The following AUTS2 variants were observed in gnomAD, a reference collection of about 807,000 sequenced individuals.
AUTS2 encodes activator of transcription and developmental regulator AUTS2.
AUTS2 carries 17 observed loss-of-function variants against 112.4 expected under a neutral mutation model. That is an observed-to-expected ratio of 0.15 (90% CI 0.10 to 0.23). AUTS2 has a LOEUF of 0.23. Among genes scored for constraint, AUTS2 ranks in the 10% least tolerant of loss-of-function variants. The pLI is 1.00. For synonymous variants in AUTS2, 751 were observed against 702.7 expected (o/e 1.07, Z -1.09); for missense variants, 1,510 against 1,701.6 (o/e 0.89, Z 1.98).
chr7:69,981,737 G>C (rs1798302779), intron 2 of AUTS2, among the ~76,000 whole-genome samples: 2 of 152,134 alleles, frequency 1.3e-5, no homozygotes, highest in African/African-American at 4.8e-5. Context: ...CTGAAATTTA[G>C]ATATTAACAA....
chr7:69,713,102 GT>G (rs1162094626), intron 1 of AUTS2, among the ~76,000 whole-genome samples: 6 of 152,036 alleles, frequency 3.9e-5, no homozygotes, highest in Non-Finnish European at 5.9e-5. Flanking sequence ...GCTTTTGTTT[GT>G]TTTTATTGAC....
intron 2 of AUTS2, among the ~76,000 whole-genome samples, chr7:70,009,857 C>T (rs1393170451): frequency 6.6e-6 from 1 of 152,154 alleles, no homozygotes; most frequent in East Asian, 1.9e-4. Context: ...AAATAATACT[C>T]TTTTGGTTTG....
At chr7:69,765,200 C>T (rs1003123854) in intron 1 of AUTS2, among the ~76,000 whole-genome samples, 2 of 152,276 alleles carry the variant, frequency 1.3e-5, no homozygotes, top group South Asian at 2.1e-4. Context: ...TATTCCACTT[C>T]TTCTTTGGCA....
chr7:70,159,533 T>C (rs1016493587), intron 4 of AUTS2, among the ~76,000 whole-genome samples: 2 of 152,186 alleles, frequency 1.3e-5, no homozygotes, highest in Admixed American at 6.5e-5. Context: ...GTATGCAATA[T>C]AGTAGAATTT....
chr7:69,895,747 ACT>A (rs1196382263), intron 1 of AUTS2, among the ~76,000 whole-genome samples: 2 of 152,076 alleles, frequency 1.3e-5, no homozygotes, highest in Non-Finnish European at 2.9e-5. Context: ...ATTATAGCAT[ACT>A]CTCATAAATA....
intron 4 of AUTS2, among the ~76,000 whole-genome samples, chr7:70,288,939 C>T (rs762411621): frequency 9.9e-5 from 15 of 152,200 alleles, no homozygotes; most frequent in East Asian, 5.8e-4. Context: ...TAATGCAACC[C>T]GTAGGGCATA....
At chr7:69,789,407 A>T (rs1359733343) in intron 1 of AUTS2, among the ~76,000 whole-genome samples, 2 of 152,204 alleles carry the variant, frequency 1.3e-5, no homozygotes, top group Non-Finnish European at 2.9e-5. Context: ...TTTAACGTTA[A>T]TTATCTTAGC....
chr7:70,753,923 G>A lies in AUTS2; in HGVS notation c.743-8947G>A, dbSNP rs369593501. ...TGTAATCCCCGCACTTTGGGAGGCC[G>A]AGGCGGGTGGATCACGAGGTCAGGA... is the stretch of plus-strand genomic sequence containing the variant. On this transcript the variant is annotated intron_variant, in intron 6 of 18. Transcript: ENST00000342771. Among the ~76,000 whole-genome samples, 382 of 152,026 alleles carry A rather than the reference G, an allele frequency of 2.5e-3. 5 individuals are homozygous for A. The highest frequency in any genetic ancestry group is 7.6e-3 in the African/African-American group (315 of 41,476).
At chr7:70,081,935 AGTGTGTGTGTGTGTGTGTGT>A (rs3049737) in intron 2 of AUTS2, among the ~76,000 whole-genome samples, 2 of 146,770 alleles carry the variant, frequency 1.4e-5, no homozygotes, top group Admixed American at 1.4e-4. Flanking sequence ...TTCTGTGAAG[AGTGTGTGTGTGTGTGTGTGT>A]GTGTGTGTGT....
intron 2 of AUTS2, among the ~76,000 whole-genome samples, chr7:69,910,382 G>A (rs532913799): frequency 1.4e-4 from 21 of 152,300 alleles, no homozygotes; most frequent in African/African-American, 4.1e-4. Context: ...TGCCAAGGGC[G>A]AGCCAGGCGT....
At chr7:69,980,558 C>T (rs1798253508) in intron 2 of AUTS2, among the ~76,000 whole-genome samples, 1 of 151,672 alleles carries the variant, frequency 6.6e-6, no homozygotes, top group Non-Finnish European at 1.5e-5. Context: ...TTCCATACTA[C>T]ATTTATGAAC....
intron 2 of AUTS2, among the ~76,000 whole-genome samples, chr7:70,110,858 T>C (rs950069613): frequency 7.4e-6 from 1 of 135,702 alleles, no homozygotes; most frequent in Non-Finnish European, 1.5e-5. Context: ...TTTCTTTCTT[T>C]CTTTTTTTTT....
intron 1 of AUTS2, among the ~76,000 whole-genome samples, chr7:69,858,162 A>G (rs1792818381): frequency 1.3e-5 from 2 of 152,172 alleles, no homozygotes; most frequent in South Asian, 4.1e-4. Flanking sequence ...ATTTATGACC[A>G]CTTCTGGGGA....
chr7:70,781,842 C>T lies in AUTS2; in HGVS notation c.2146+86C>T, dbSNP rs190413696. 1,044 of 1,505,790 alleles carry T rather than the reference C, an allele frequency of 6.9e-4. 4 individuals carry two copies. In the African/African-American group the frequency reaches 0.011, roughly 15 times the overall value. The allele number at this position is 1,505,790 out of a possible 1,614,324, so 93.3% of individuals were successfully genotyped here. ...AAATGAGGTTTGGGCTCTGAGCTGC[C>T]GCTCAGTCACCACCTACAAAAATAC... On this transcript the variant is annotated intron_variant, in intron 15 of 18. Transcript: ENST00000342771.
chr7:69,834,626 A>G (rs896159493), intron 1 of AUTS2, among the ~76,000 whole-genome samples: 1 of 152,120 alleles, frequency 6.6e-6, no homozygotes, highest in African/African-American at 2.4e-5. Context: ...ACTGCAGAAT[A>G]ATCTCAGCCT....
chr7:70,331,388 G>A (rs1288145036), intron 4 of AUTS2, among the ~76,000 whole-genome samples: 1 of 152,034 alleles, frequency 6.6e-6, no homozygotes, highest in South Asian at 2.1e-4. Flanking sequence ...GGGTTCAGTG[G>A]TGATATCCCC....
intron 1 of AUTS2, among the ~76,000 whole-genome samples, chr7:69,728,680 C>CT (rs5884765): frequency 0.75 from 95,925 of 128,626 alleles, 35,412 homozygotes; most frequent in East Asian, 0.89. Flanking sequence ...TTGCTTGTGG[C>CT]TTTTTTTTTT....
At chr7:70,740,287 G>C (rs1788028046) in intron 6 of AUTS2, among the ~76,000 whole-genome samples, 1 of 152,140 alleles carries the variant, frequency 6.6e-6, no homozygotes, top group Admixed American at 6.5e-5. Context: ...TTCAATTGTG[G>C]GACCTTACAC....
intron 4 of AUTS2, among the ~76,000 whole-genome samples, chr7:70,419,925 T>C (rs1795146433): frequency 6.6e-6 from 1 of 152,208 alleles, no homozygotes; most frequent in Non-Finnish European, 1.5e-5. Context: ...TGAATTGACC[T>C]CTTTGCTTTT....
Sources: allele counts gnomAD v4.1 joint callset (sites outside exome capture counted in the v4.1 genomes callset), GRCh38; gene constraint gnomAD v4.1.1; transcripts MANE v1.5; gene names NCBI Gene and HGNC (gene_info 2026-07-23, HGNC 2026-07-21).